Variants in SNAP91 observed in about 807,000 individuals in gnomAD.
The protein encoded by SNAP91 is clathrin coat assembly protein AP180.
A neutral mutation model predicts 100.3 loss-of-function variants in SNAP91; 27 were observed. The ratio of observed to expected loss-of-function variants is 0.27; its 90% confidence interval spans 0.20 to 0.37. SNAP91 has a LOEUF of 0.37. Among genes scored for constraint, SNAP91 ranks in the 10% least tolerant of loss-of-function variants. The probability of loss-of-function intolerance (pLI) is 1.00; values close to 1 mark genes in which losing one functional copy is unlikely to be tolerated. For synonymous variants in SNAP91, 404 were observed against 398.6 expected (o/e 1.01, Z -0.16); for missense variants, 986 against 1,123.7 (o/e 0.88, Z 1.75).
intron 8 of SNAP91, among the ~76,000 whole-genome samples, chr6:83,636,161 A>G (rs563178207): frequency 6.6e-6 from 1 of 152,178 alleles, no homozygotes; most frequent in South Asian, 2.1e-4. Context: ...GTCATCTTGT[A>G]TAGTATCTTG....
chr6:83,690,229 T>C, intron 2 of SNAP91: 8 of 1,056,856 alleles, frequency 7.6e-6, no homozygotes, highest in Non-Finnish European at 9.4e-6. Context: ...TTACTAATAC[T>C]ACTATGATGA....
In SNAP91 at chr6:83,556,186, T is replaced by A. The variant is rs371120588; in HGVS notation, c.2691A>T (p.Pro897=). The A allele has an allele frequency of 1.3e-6, 2 of 1,573,796 alleles. No homozygotes were observed. The highest frequency in any genetic ancestry group is 1.3e-5 in the African/African-American group (1 of 74,092). The change falls in exon 29 of 30, where the codon CCA becomes CCT. Residue 897 remains proline, a synonymous_variant. Coordinates refer to ENST00000369694, the MANE Select transcript of SNAP91 (RefSeq NM_001242792.2). The stretch of plus-strand genomic sequence containing the variant: ...AATCCTTGATGTTAAGATCCGCTAA[T>A]GGGTCCTTTGCTGGAGGTTTCTTGG... ...QSPKKPPAKD[P]LADLNIKDFL
At chr6:83,682,666 C>T (rs1039195344) in intron 2 of SNAP91, among the ~76,000 whole-genome samples, 1 of 151,852 alleles carries the variant, frequency 6.6e-6, no homozygotes, top group African/African-American at 2.4e-5. Flanking sequence ...ATGTGCCATG[C>T]TGGTGTGCTG....
chr6:83,580,397 A>C (rs1826338458), intron 24 of SNAP91, 53 bp downstream of exon 24: 3 of 1,541,762 alleles, frequency 1.9e-6, no homozygotes, highest in Admixed American at 2.0e-5. Context: ...GAAACAAAAA[A>C]CAATTCACAT....
intron 2 of SNAP91, among the ~76,000 whole-genome samples, chr6:83,689,958 CCTTT>C (rs1411388548): frequency 4.0e-5 from 6 of 151,818 alleles, no homozygotes; most frequent in African/African-American, 7.2e-5. Flanking sequence ...CCTTTTATTT[CCTTT>C]CTATTTCTCA....
chr6:83,562,990 C>T (rs1339782869), intron 26 of SNAP91, among the ~76,000 whole-genome samples: 1 of 152,190 alleles, frequency 6.6e-6, no homozygotes, highest in Non-Finnish European at 1.5e-5. Flanking sequence ...CTCTGTGTCT[C>T]ACTTGACTGA....
intron 2 of SNAP91, among the ~76,000 whole-genome samples, chr6:83,668,987 G>A (rs183799200): frequency 3.9e-5 from 6 of 152,102 alleles, no homozygotes; most frequent in African/African-American, 1.4e-4. Flanking sequence ...TAAATGTGCT[G>A]AGAACACTGA....
At chr6:83,598,056 G>C (rs1291131026) in intron 16 of SNAP91, among the ~76,000 whole-genome samples, 3 of 152,130 alleles carry the variant, frequency 2.0e-5, no homozygotes, top group African/African-American at 4.8e-5. Context: ...GGGTATCCTT[G>C]TTGGTGTGCA....
At chr6:83,707,534 T>TGC (rs927614124) in intron 2 of SNAP91, among the ~76,000 whole-genome samples, 30 of 106,716 alleles carry the variant, frequency 2.8e-4, no homozygotes, top group Middle Eastern at 4.3e-3. Context: ...TATATACATA[T>TGC]GCGTGTGTGT....
intron 21 of SNAP91, among the ~76,000 whole-genome samples, chr6:83,591,664 T>C (rs568659536): frequency 6.6e-6 from 1 of 152,294 alleles, no homozygotes; most frequent in African/African-American, 2.4e-5. Flanking sequence ...GTTTAAAAAA[T>C]TAATAAACTT....
chr6:83,692,945 T>C, intron 2 of SNAP91, among the ~76,000 whole-genome samples: 1 of 152,180 alleles, frequency 6.6e-6, no homozygotes, highest in African/African-American at 2.4e-5. Context: ...GGTGTGTTTT[T>C]GTTTTTTGTT....
chr6:83,585,141 T>C (rs1182332734), intron 22 of SNAP91, among the ~76,000 whole-genome samples: 2 of 151,976 alleles, frequency 1.3e-5, no homozygotes, highest in Non-Finnish European at 2.9e-5. Flanking sequence ...AACTGAAAAG[T>C]TTTAGGGCCC....
chr6:83,628,500 C>T (rs2097063555), intron 8 of SNAP91, among the ~76,000 whole-genome samples: 1 of 151,640 alleles, frequency 6.6e-6, no homozygotes, highest in African/African-American at 2.4e-5. Flanking sequence ...TCCCTGATCA[C>T]CACATCCATG....
At chr6:83,591,785 A>G (rs1011243708) in intron 21 of SNAP91, among the ~76,000 whole-genome samples, 1 of 152,190 alleles carries the variant, frequency 6.6e-6, no homozygotes, top group Non-Finnish European at 1.5e-5. Flanking sequence ...TGTATTCCTC[A>G]TGTACGCATC....
intron 8 of SNAP91, among the ~76,000 whole-genome samples, chr6:83,623,963 A>C (rs1416454352): frequency 6.6e-6 from 1 of 152,120 alleles, no homozygotes; most frequent in African/African-American, 2.4e-5. Context: ...TCATTTAATA[A>C]ACAGCTGCAT....
chr6:83,624,878 TTTC>T (rs1049537254), intron 8 of SNAP91, among the ~76,000 whole-genome samples: 1 of 152,136 alleles, frequency 6.6e-6, no homozygotes, highest in Admixed American at 6.5e-5. Context: ...AATATTATTA[TTTC>T]TTTTTAAAAA....
intron 26 of SNAP91, among the ~76,000 whole-genome samples, chr6:83,564,905 T>C (rs561867022): frequency 1.3e-5 from 2 of 151,824 alleles, no homozygotes; most frequent in African/African-American, 2.4e-5. Context: ...AATAGATAAA[T>C]TGGAGTTTAT....
At chr6:83,637,584 A>T in intron 8 of SNAP91, among the ~76,000 whole-genome samples, 1 of 152,106 alleles carries the variant, frequency 6.6e-6, no homozygotes, top group East Asian at 1.9e-4. Context: ...GACTGGCTAG[A>T]CTTGTTCCAA....
rs1773597605 is a variant in SNAP91 at position 83,553,291 on chromosome 6, T to C, written c.*1005A>G. ...GAATTAGTTTAAATCCTAATCACAA[T>C]GTTACAACAAAACCTACTTTGAGCT... On this transcript the variant is annotated 3_prime_UTR_variant, in exon 30 of 30. Coordinates refer to ENST00000369694, the MANE Select transcript of SNAP91 (RefSeq NM_001242792.2). 1 of 152,374 alleles carries C rather than the reference T, an allele frequency of 6.6e-6. No individual in the cohort carries two copies. The highest frequency in any genetic ancestry group is 2.1e-4 in the South Asian group (1 of 4,822). The allele number at this position is 152,374 out of a possible 1,614,324, so 9.4% of individuals were successfully genotyped here.
Sources: gnomAD v4.1 joint callset for allele counts (sites outside exome capture counted in the v4.1 genomes callset) on GRCh38, gnomAD v4.1.1 for gene constraint, MANE v1.5 for transcripts, NCBI Gene and HGNC (gene_info 2026-07-23, HGNC 2026-07-21) for gene names.